The following ETV1 variants were observed in gnomAD, a reference collection of about 807,000 sequenced individuals.
ETV1 encodes the protein ETS variant transcription factor 1, also known as ETS translocation variant 1.
ETV1 carries 27 observed loss-of-function variants against 62.3 expected under a neutral mutation model. The observed-to-expected ratio is 0.43, with a 90% CI of 0.32 to 0.60. ETV1 has a LOEUF of 0.60. ETV1 is among the 20% of genes least tolerant of loss of function. The probability of loss-of-function intolerance (pLI) is 0.06; values close to 1 mark genes in which losing one functional copy is unlikely to be tolerated. For synonymous variants in ETV1, 222 were observed against 199.6 expected (o/e 1.11, Z -0.94); for missense variants, 605 against 605.8 (o/e 1.00, Z 0.01).
chr7:13,901,305 T>C (rs1349786001), intron 12 of ETV1, among the ~76,000 whole-genome samples: 1 of 152,078 alleles, frequency 6.6e-6, no homozygotes, highest in East Asian at 1.9e-4. Context: ...GCGCCTGGCC[T>C]GGTTTGCATT....
chr7:13,939,018 G>T, intron 7 of ETV1, 99 bp downstream of exon 7: 1 of 1,175,130 alleles, frequency 8.5e-7, no homozygotes, highest in South Asian at 1.4e-5. Flanking sequence ...ACATATTAAA[G>T]ACGTTACTCA....
chr7:13,971,135 A>G (rs1780865464), intron 6 of ETV1, among the ~76,000 whole-genome samples: 1 of 151,880 alleles, frequency 6.6e-6, no homozygotes, highest in African/African-American at 2.4e-5. Flanking sequence ...CCACACCCAG[A>G]TAATTTTGTA....
In ETV1 at chr7:13,988,068, C is replaced by T. The variant is rs769526674; in HGVS notation, c.133+18G>A. 7.4e-5 allele frequency: 113 copies of T among 1,532,812 alleles called. 2 individuals carry two copies. Among genetic ancestry groups the T allele is most frequent in the Non-Finnish European group, 8.9e-5 (98 of 1,106,204 alleles). The allele number at this position is 1,532,812 out of a possible 1,614,324, so 95.0% of individuals were successfully genotyped here. A position where few individuals can be genotyped will look rare whatever the true frequency, so the allele number is the denominator to read the frequency against. On this transcript the variant is annotated intron_variant, in intron 4 of 13. Transcript: ENST00000430479. ...TGTAGGTAAAAAAATGGGGATTCAG[C>T]CCAAAATCAAACCTCACCTTCTGAA...
chr7:13,919,664 G>A (rs1784608023), intron 9 of ETV1, among the ~76,000 whole-genome samples: 1 of 150,606 alleles, frequency 6.6e-6, no homozygotes, highest in Admixed American at 6.6e-5. Context: ...TTTTCAAGTT[G>A]TTCATATCCT....
At chr7:13,931,370 T>C (rs1325076481) in intron 9 of ETV1, 132 bp downstream of exon 9, 2 of 944,046 alleles carry the variant, frequency 2.1e-6, no homozygotes, top group African/African-American at 1.7e-5. Context: ...GAAGTTTCAA[T>C]GAACGGACAA....
At position 13,893,175 on chromosome 7, in the gene ETV1, G is replaced by C. The variant is rs1275493180; in HGVS notation, c.*2691C>G. ...CATCATCAAGAGACAGCAAACAGCA[G>C]TGAAGATAAAAGCTGAGAGAAGACA... On this transcript the variant is annotated 3_prime_UTR_variant, in exon 14 of 14. Coordinates refer to ENST00000430479, the MANE Select transcript of ETV1 (RefSeq NM_004956.5). 8.6e-6 allele frequency: 2 copies of C among 232,382 alleles called. No homozygotes were observed. Among genetic ancestry groups the C allele is most frequent in the Admixed American group, 5.6e-5 (1 of 17,764 alleles). The allele number at this position is 232,382 out of a possible 1,614,324, so 14.4% of individuals were successfully genotyped here. A position where few individuals can be genotyped will look rare whatever the true frequency, so the allele number is the denominator to read the frequency against.
intron 11 of ETV1, chr7:13,907,863 C>T (rs981775828): frequency 2.1e-6 from 1 of 469,680 alleles, no homozygotes; most frequent in South Asian, 1.6e-5. Context: ...AAACCTAAAC[C>T]AAAATATAAA....
intron 6 of ETV1, among the ~76,000 whole-genome samples, chr7:13,948,596 C>G (rs892262881): frequency 6.6e-6 from 1 of 152,118 alleles, no homozygotes; most frequent in Non-Finnish European, 1.5e-5. Flanking sequence ...TAGTAGAACA[C>G]TCTCCCACCC....
At position 13,895,879 on chromosome 7, in the gene ETV1, C is replaced by A; in HGVS notation, c.1421G>T (p.Gly474Val). Residue 474 changes from glycine to valine, a missense_variant, in exon 14 of 14, where the codon GGC becomes GTC. Gly to Val is a moderately radical substitution (Grantham distance 109). This residue lies in a region of ETV1 where 79 missense variants were observed against 71.6 expected (regional missense o/e 1.10). Transcript: ENST00000430479. ...GCCNPHPYNE[G>V]YVY ...CTGTCACTTGTGTTAATACACGTAG[C>A]CTTCGTTGTAGGGGTGGGGGTTGCA... 6.2e-7 allele frequency: 1 copy of A among 1,613,228 alleles called. No homozygotes were observed. Among genetic ancestry groups the A allele is most frequent in the East Asian group, 2.2e-5 (1 of 44,878 alleles).
chr7:13,987,127 G>GTA (rs1782619485), intron 4 of ETV1: 1 of 159,330 alleles, frequency 6.3e-6, no homozygotes, highest in Non-Finnish European at 1.4e-5. Flanking sequence ...ATATATAATG[G>GTA]TACATGGTAC....
chr7:13,927,369 T>C (rs1309916558), intron 9 of ETV1, among the ~76,000 whole-genome samples: 1 of 152,196 alleles, frequency 6.6e-6, no homozygotes, highest in Non-Finnish European at 1.5e-5. Flanking sequence ...GGAGAACTGC[T>C]TGAACCTGGG....
intron 6 of ETV1, among the ~76,000 whole-genome samples, chr7:13,965,365 T>A (rs961664172): frequency 6.6e-6 from 1 of 152,214 alleles, no homozygotes; most frequent in African/African-American, 2.4e-5. Context: ...TATTGGAAGG[T>A]GCTCTTGGTC....
chr7:13,895,841 A>C lies in ETV1; in HGVS notation c.*25T>G, dbSNP rs778376212. ...TGCAGAAAAAAGGAAAAGCGCAAAAACGCCCTGCTTGACTGTCACTTGTGT... is the reference window on the plus strand; with the variant it reads ...TGCAGAAAAAAGGAAAAGCGCAAAACCGCCCTGCTTGACTGTCACTTGTGT... On this transcript the variant is annotated 3_prime_UTR_variant, in exon 14 of 14. Coordinates refer to ENST00000430479, the MANE Select transcript of ETV1 (RefSeq NM_004956.5). 1.8e-5 allele frequency: 28 copies of C among 1,566,420 alleles called. No individual in the cohort carries two copies. Among genetic ancestry groups the C allele is most frequent in the Non-Finnish European group, 2.5e-5 (28 of 1,141,536 alleles).
intron 9 of ETV1, among the ~76,000 whole-genome samples, chr7:13,915,413 T>G (rs1401472457): frequency 6.6e-6 from 1 of 152,212 alleles, no homozygotes; most frequent in Non-Finnish European, 1.5e-5. Context: ...TAAAAAATAC[T>G]GAGTTGTATT....
Position 13,962,909 on chromosome 7 carries a change from G to A in ETV1, c.235+14518C>T, listed in dbSNP as rs539632866. Reference sequence around the variant, plus strand: ...AATATATATATGTATACACGGATGTGGCAAAAACACTTATTTTACGTCTTT... The same window carrying A: ...AATATATATATGTATACACGGATGTAGCAAAAACACTTATTTTACGTCTTT... On this transcript the variant is annotated intron_variant, in intron 6 of 13. Coordinates refer to ENST00000430479, the MANE Select transcript of ETV1 (RefSeq NM_004956.5). 9.2e-5 allele frequency among the ~76,000 whole-genome samples: 14 copies of A among 152,132 alleles called. No homozygotes were observed. The South Asian group carries it at 2.9e-3, about 32-fold the overall frequency.
intron 6 of ETV1, among the ~76,000 whole-genome samples, chr7:13,950,339 G>A (rs912323227): frequency 6.6e-6 from 1 of 152,142 alleles, no homozygotes; most frequent in African/African-American, 2.4e-5. Context: ...ACAGAAGGGA[G>A]CATCAAACTT....
Position 13,892,413 on chromosome 7 carries a change from T to C in ETV1, c.*3453A>G, listed in dbSNP as rs974596376. The C allele has an allele frequency of 4.3e-6, 1 of 232,616 alleles. No individual in the cohort carries two copies. Among genetic ancestry groups the C allele is most frequent in the Non-Finnish European group, 8.5e-6 (1 of 117,760 alleles). The allele number at this position is 232,616 out of a possible 1,614,324, so 14.4% of individuals were successfully genotyped here. On this transcript the variant is annotated 3_prime_UTR_variant, in exon 14 of 14. Transcript: ENST00000430479. ...ATTTATGCAGAATAAGGGGAAAATA[T>C]CTCAGTGGTAAATAAAAGCAAACTC...
At chr7:13,960,233 C>A (rs1343830517) in intron 6 of ETV1, among the ~76,000 whole-genome samples, 1 of 152,090 alleles carries the variant, frequency 6.6e-6, no homozygotes, top group Non-Finnish European at 1.5e-5. Flanking sequence ...TCTTTCATGG[C>A]TAAATTAATC....
intron 5 of ETV1, among the ~76,000 whole-genome samples, chr7:13,983,659 TAAC>T (rs1321378074): frequency 6.6e-6 from 1 of 151,322 alleles, no homozygotes; most frequent in African/African-American, 2.4e-5. Context: ...CTGAAAACAT[TAAC>T]TTTGCAGTTT....
Sources: allele counts gnomAD v4.1 joint callset (sites outside exome capture counted in the v4.1 genomes callset), GRCh38; gene constraint gnomAD v4.1.1; regional missense constraint gnomAD v4.1.1; transcripts MANE v1.5; gene names NCBI Gene and HGNC (gene_info 2026-07-23, HGNC 2026-07-21).